The following SNAPC4 variants were observed in gnomAD, a reference collection of about 807,000 sequenced individuals.
The protein encoded by SNAPC4 is snRNA-activating protein complex subunit 4.
A neutral mutation model predicts 151.3 loss-of-function variants in SNAPC4; 127 were observed. The ratio of observed to expected loss-of-function variants is 0.84; its 90% CI spans 0.73 to 0.97. The LOEUF (loss-of-function observed/expected upper bound fraction) is 0.97, where lower values mean the gene tolerates loss of function less well. Among genes scored for constraint, SNAPC4 ranks in the 50% least tolerant of loss-of-function variants. SNAPC4 has a pLI of 0.00. For synonymous variants in SNAPC4, 1,002 were observed against 824.4 expected (o/e 1.22, Z -3.69); for missense variants, 2,186 against 1,935.0 (o/e 1.13, Z -2.43).
intron 22 of SNAPC4, 67 bp from the exon 23 acceptor site, chr9:136,376,548 C>A (rs772005794): frequency 1.3e-6 from 2 of 1,587,318 alleles, no homozygotes; most frequent in Non-Finnish European, 1.7e-6. Flanking sequence ...GGGGAAGGGA[C>A]GGGAGTGAGG....
At position 136,378,510 on chromosome 9, in the gene SNAPC4, G is replaced by A; in HGVS notation, c.3317C>T (p.Ala1106Val). Residue 1106 changes from alanine to valine, a missense_variant, in exon 22 of 24, where the codon GCA becomes GTA. Ala to Val is a moderately conservative substitution (Grantham distance 64). Coordinates refer to ENST00000684778, the MANE Select transcript of SNAPC4 (RefSeq NM_003086.4). ...AGGCAGCAGAGTGGCCAGCAGCCCT[G>A]CGGGGCCAGGGGTCCCTGCTGGCCT... is the stretch of plus-strand genomic sequence containing the variant. ...LPRPAGTPGP[A>V]GLLATLLPPL... is the part of the protein sequence containing the mutation. 1 of 1,591,808 alleles carries A rather than the reference G, an allele frequency of 6.3e-7. No homozygotes were observed. Among genetic ancestry groups the A allele is most frequent in the Non-Finnish European group, 8.5e-7 (1 of 1,174,884 alleles).
Position 136,376,450 on chromosome 9 carries a change from G to C in SNAPC4, c.4316C>G (p.Ser1439Cys). 6.2e-7 allele frequency: 1 copy of C among 1,613,436 alleles called. No individual in the cohort carries two copies. The highest frequency in any genetic ancestry group is 8.5e-7 in the Non-Finnish European group (1 of 1,179,904). ...GAPDSGKCSA[S>C]SCLDTSNDPD... The stretch of plus-strand genomic sequence containing the variant: ...GTCATTAGAAGTATCCAGGCAGGAG[G>C]AAGCAGAGCATTTACCAGAGTCTGG... The change falls in exon 23 of 24, where the codon TCC (serine) becomes TGC (cysteine). Residue 1439 changes from serine to cysteine, a missense_variant. Coordinates refer to ENST00000684778, the MANE Select transcript of SNAPC4 (RefSeq NM_003086.4).
At position 136,376,335 on chromosome 9, in the gene SNAPC4, C is replaced by G; in HGVS notation, c.*7+14G>C. On this transcript the variant is annotated intron_variant, in intron 23 of 23. Transcript: ENST00000684778. ...CTGGGTTGTAGGGCAGTGGCCTCCC[C>G]ACTCAGGACTCACCTGCTGCTCACA... 1 of 1,612,396 alleles carries G rather than the reference C, an allele frequency of 6.2e-7. No individual in the cohort carries two copies. Among genetic ancestry groups the G allele is most frequent in the Non-Finnish European group, 8.5e-7 (1 of 1,179,684 alleles).
At chr9:136,389,955 T>C (rs538234184) in intron 10 of SNAPC4, among the ~76,000 whole-genome samples, 1 of 152,244 alleles carries the variant, frequency 6.6e-6, no homozygotes, top group African/African-American at 2.4e-5. Flanking sequence ...TTTCTGATAT[T>C]AACAGAGAAG....
chr9:136,383,274 GCAGGGA>G lies in SNAPC4; in HGVS notation c.1889_1894del (p.Val630_Pro631del). 1 of 1,611,672 alleles carries G rather than the reference GCAGGGA, an allele frequency of 6.2e-7. No homozygotes were observed. Among genetic ancestry groups the G allele is most frequent in the Non-Finnish European group, 8.5e-7 (1 of 1,179,380 alleles). On this transcript the variant is annotated inframe_deletion, in exon 16 of 24. Transcript: ENST00000684778. The surrounding 1 kb of genome is among the most constrained non-coding windows in gnomAD (Gnocchi z 4.2). The stretch of plus-strand genomic sequence containing the variant: ...CCTCGGGACAGGGCCGTGGGCCCTG[GCAGGGA>G]CCTGCACCGGACTCGTCTCCTCTCC...
chr9:136,382,462 C>T, intron 16 of SNAPC4, 126 bp from the exon 17 acceptor site: 1 of 802,760 alleles, frequency 1.2e-6, no homozygotes, highest in East Asian at 2.7e-5. Flanking sequence ...TACAGCTCTG[C>T]TCTGCCTCAT....
In SNAPC4 at chr9:136,383,891, T is replaced by C; in HGVS notation, c.1500+62A>G. ...CCTCCCCTCCCCTCCTCCTGCCTGC[T>C]GGACCCCCCAGTTGACCAGGCCATT... On this transcript the variant is annotated intron_variant, in intron 15 of 23. Coordinates refer to ENST00000684778, the MANE Select transcript of SNAPC4 (RefSeq NM_003086.4). This position sits in a 1 kb window ranked among gnomAD's most constrained non-coding sequence, Gnocchi z 4.2. The C allele has an allele frequency of 7.4e-7, 1 of 1,344,032 alleles. No individual in the cohort carries two copies. Among genetic ancestry groups the C allele is most frequent in the Non-Finnish European group, 1.1e-6 (1 of 937,724 alleles). 83.3% of individuals were successfully genotyped at this position (1,344,032 alleles called of 1,614,324 possible).
At position 136,378,620 on chromosome 9, in the gene SNAPC4, C is replaced by G; in HGVS notation, c.3207G>C (p.Ala1069=). 6.4e-7 allele frequency: 1 copy of G among 1,564,922 alleles called. No individual in the cohort carries two copies. The highest frequency in any genetic ancestry group is 8.6e-7 in the Non-Finnish European group (1 of 1,158,268). ...AGGTGACAGGCAGGGGGACACTGGT[C>G]GCCACATGTGGCCCTCCTATGTGCG... ...SLTHIGGPHV[A]TSVPLPVTWV... Residue 1069 remains alanine, a synonymous_variant, in exon 22 of 24, where the codon GCG becomes GCC. Transcript: ENST00000684778.
intron 13 of SNAPC4, among the ~76,000 whole-genome samples, chr9:136,387,024 CGT>C (rs1270902356): frequency 6.6e-6 from 1 of 152,222 alleles, no homozygotes; most frequent in African/African-American, 2.4e-5. Flanking sequence ...GGATTACAGG[CGT>C]GAGCCACTGC....
At chr9:136,382,397 C>T (rs2131469115) in intron 16 of SNAPC4, 61 bp from the exon 17 acceptor site, 1 of 1,374,866 alleles carries the variant, frequency 7.3e-7, no homozygotes, top group Non-Finnish European at 1.0e-6. Context: ...GGGGGCCCTC[C>T]CCTCGCTGCC....
At chr9:136,395,537 G>C in intron 4 of SNAPC4, 66 bp downstream of exon 4, 1 of 1,564,656 alleles carries the variant, frequency 6.4e-7, no homozygotes, top group Non-Finnish European at 8.7e-7. Flanking sequence ...GGACCTGGGA[G>C]GCCCAGCTGT....
chr9:136,398,346 G>A lies in SNAPC4; in HGVS notation c.83C>T (p.Ser28Phe). The A allele has an allele frequency of 6.2e-7, 1 of 1,613,900 alleles. No individual in the cohort carries two copies. Among genetic ancestry groups the A allele is most frequent in the South Asian group, 1.1e-5 (1 of 91,088 alleles). ...ERILDPGSSG[S>F]HVEISESSLE... ...ACTTGATTCTGAGATCTCCACGTGG[G>A]AGCCCGAGGAGCCGGGATCCAAAAT... The change falls in exon 2 of 24, where the codon TCC (serine) becomes TTC (phenylalanine). Residue 28 changes from serine (S) to phenylalanine (F), a missense_variant. By Grantham distance (155) the Ser-to-Phe change is radical. Coordinates refer to ENST00000684778, the MANE Select transcript of SNAPC4 (RefSeq NM_003086.4).
In SNAPC4 at chr9:136,388,605, A is replaced by T. The variant is rs200221905; in HGVS notation, c.976-14T>A. On this transcript the variant is annotated splice_polypyrimidine_tract_variant and intron_variant, in intron 10 of 23. Transcript: ENST00000684778. ...GCTGCGGCTGGTCTTCCCAGGCCCA[A>T]ACAAAAGCAAATGAGTGTTACTGCG... 5.6e-6 allele frequency: 9 copies of T among 1,613,812 alleles called. No homozygotes were observed. Among genetic ancestry groups the T allele is most frequent in the Admixed American group, 3.3e-5 (2 of 60,022 alleles).
Position 136,383,357 on chromosome 9 carries a change from G to C in SNAPC4, c.1812C>G (p.Ser604=), listed in dbSNP as rs761464435. The C allele has an allele frequency of 6.8e-6, 11 of 1,606,418 alleles. No individual in the cohort carries two copies. The East Asian group carries it at 2.5e-4, about 36-fold the overall frequency. ...CCTTGCTGCCGCCCTGGCTGGCACT[G>C]GACCCCTTGGGAGGGCTGAGGGAGG... ...PAASLSPPKG[S]SASQGGSKEA... is the part of the protein sequence containing the mutation. The change falls in exon 16 of 24, where the codon TCC becomes TCG. Residue 604 remains serine, a synonymous_variant. Coordinates refer to ENST00000684778, the MANE Select transcript of SNAPC4 (RefSeq NM_003086.4). The surrounding 1 kb of genome is among the most constrained non-coding windows in gnomAD (Gnocchi z 4.2).
chr9:136,383,379 G>T lies in SNAPC4; in HGVS notation c.1790C>A (p.Ser597Tyr), dbSNP rs749965458. The T allele has an allele frequency of 1.3e-6, 2 of 1,595,246 alleles. No homozygotes were observed. Among genetic ancestry groups the T allele is most frequent in the East Asian group, 4.6e-5 (2 of 43,820 alleles). ...AGAWLGGPAA[S>Y]LSPPKGSSAS... ...ACTGGACCCCTTGGGAGGGCTGAGG[G>T]AGGCAGCGGGGCCTCCCAGCCAGGC... The change falls in exon 16 of 24, where the codon TCC (serine) becomes TAC (tyrosine). Residue 597 changes from serine to tyrosine, a missense_variant. By Grantham distance (144) the Ser-to-Tyr change is moderately radical (BLOSUM62 -2). Coordinates refer to ENST00000684778, the MANE Select transcript of SNAPC4 (RefSeq NM_003086.4). The surrounding 1 kb of genome is among the most constrained non-coding windows in gnomAD (Gnocchi z 4.2).
intron 7 of SNAPC4, among the ~76,000 whole-genome samples, chr9:136,393,996 C>A (rs556063831): frequency 6.6e-6 from 1 of 152,366 alleles, no homozygotes; most frequent in Non-Finnish European, 1.5e-5. Flanking sequence ...TGGCTCACTG[C>A]AGCTTTGACC....
chr9:136,378,881 GGA>G lies in SNAPC4; in HGVS notation c.2944_2945del (p.Ser982HisfsTer57), dbSNP rs1319609118. ...AGTSAKDKRL[S>X]TMQALPLAPV... is the part of the protein sequence containing the mutation. ...GAGCGAGGGGCAGGGCTTGCATGGTGGAGAGTCTCTTGTCCTTGGCTGAAGTC... is the reference window on the plus strand; with the variant it reads ...GAGCGAGGGGCAGGGCTTGCATGGTGGAGTCTCTTGTCCTTGGCTGAAGTC... On this transcript the variant is annotated frameshift_variant, in exon 22 of 24. Transcript: ENST00000684778. LOFTEE classifies it high-confidence loss of function. 1.9e-6 allele frequency: 3 copies of G among 1,611,182 alleles called. No individual in the cohort carries two copies.
chr9:136,378,668 C>A lies in SNAPC4; in HGVS notation c.3159G>T (p.Leu1053=). The change falls in exon 22 of 24, where the codon CTG becomes CTT. Residue 1053 remains leucine, a synonymous_variant. Transcript: ENST00000684778. ...GCGTCAGGCTGAGGGGCTGGACGGG[C>A]AGTGGGGTGGGGCTGGGGGCTGCGG... ...FLPAAPSPTP[L]PVQPLSLTHI... The A allele has an allele frequency of 1.3e-6, 2 of 1,504,328 alleles. No individual in the cohort carries two copies. The highest frequency in any genetic ancestry group is 8.9e-7 in the Non-Finnish European group (1 of 1,127,150). 93.2% of individuals were successfully genotyped at this position (1,504,328 alleles called of 1,614,324 possible). A position where few individuals can be genotyped will look rare whatever the true frequency, so the allele number is the denominator to read the frequency against.
chr9:136,392,738 A>AG lies in SNAPC4; in HGVS notation c.671_672insC (p.Glu225Ter). On this transcript the variant is annotated frameshift_variant, in exon 8 of 24. Coordinates refer to ENST00000684778, the MANE Select transcript of SNAPC4 (RefSeq NM_003086.4). LOFTEE classifies it high-confidence loss of function. ...TCTCCAGGGCTTGCCTCTCCAGCTC[A>AG]CTGGAGACTTTGCTCTGCTTCTGGT... is the stretch of plus-strand genomic sequence containing the variant. The AG allele has an allele frequency of 6.2e-7, 1 of 1,613,538 alleles. No individual in the cohort carries two copies. The highest frequency in any genetic ancestry group is 8.5e-7 in the Non-Finnish European group (1 of 1,179,954).
Sources: gnomAD v4.1 joint callset for allele counts (sites outside exome capture counted in the v4.1 genomes callset) on GRCh38, gnomAD v4.1.1 for gene constraint, Gnocchi (gnomAD v3.1) non-coding constraint, MANE v1.5 for transcripts, NCBI Gene and HGNC (gene_info 2026-07-23, HGNC 2026-07-21) for gene names.